Variants in ZSCAN18 observed in about 807,000 individuals in gnomAD.
The protein encoded by ZSCAN18 is zinc finger and SCAN domain containing 18.
Under a neutral mutation model 31.1 loss-of-function variants are expected in ZSCAN18, and 16 were observed. That is an observed-to-expected ratio of 0.51 (90% CI 0.35 to 0.78). The LOEUF is 0.78. Ranked by LOEUF, ZSCAN18 falls within the 30% of genes least tolerant of loss-of-function variation. The pLI is 0.01. For missense variants in ZSCAN18, 731 were observed against 697.4 expected, an observed-to-expected ratio of 1.05 and a Z score of -0.54; for synonymous variants, 375 against 320.7, an observed-to-expected ratio of 1.17 and a Z score of -1.81.
chr19:58,116,621 G>A (rs917256797), intron 1 of ZSCAN18, among the ~76,000 whole-genome samples: 1 of 152,128 alleles, frequency 6.6e-6, no homozygotes, highest in Admixed American at 6.6e-5. Flanking sequence ...ATGAACTGCC[G>A]AAGGAAGAAG....
chr19:58,102,423 T>G (rs925019341), upstream of ZSCAN18, among the ~76,000 whole-genome samples: 8 of 152,108 alleles, frequency 5.3e-5, no homozygotes, highest in African/African-American at 1.9e-4. Context: ...ATCACGCAAC[T>G]GCACTCCAGC....
At chr19:58,114,058 A>T (rs2074710151) in intron 1 of ZSCAN18, among the ~76,000 whole-genome samples, 1 of 152,178 alleles carries the variant, frequency 6.6e-6, no homozygotes, top group Admixed American at 6.5e-5. Flanking sequence ...TCACAAGGTC[A>T]GGAGTTCAAG....
intron 1 of ZSCAN18, among the ~76,000 whole-genome samples, chr19:58,092,177 C>T (rs1192129880): frequency 2.0e-5 from 3 of 152,058 alleles, no homozygotes; most frequent in Non-Finnish European, 2.9e-5. Flanking sequence ...AAATGCTCAA[C>T]GGTGAGTACT....
chr19:58,108,121 T>C (rs148766243), intron 1 of ZSCAN18: 2 of 988,458 alleles, frequency 2.0e-6, no homozygotes, highest in African/African-American at 1.7e-5. Flanking sequence ...ATTTTTTTGA[T>C]GCAAAAGAGC....
intron 1 of ZSCAN18, among the ~76,000 whole-genome samples, chr19:58,110,315 C>T (rs192458761): frequency 6.6e-6 from 1 of 152,280 alleles, no homozygotes; most frequent in African/African-American, 2.4e-5. Flanking sequence ...CTCCTCTCCA[C>T]TCCCATTACC....
intron 1 of ZSCAN18, chr19:58,108,643 G>A (rs927667542): frequency 8.1e-6 from 8 of 985,356 alleles, no homozygotes; most frequent in South Asian, 4.7e-5. Context: ...ATGAGATTTC[G>A]GTCTAACGGA....
chr19:58,109,782 C>A (rs1333365510), intron 1 of ZSCAN18, among the ~76,000 whole-genome samples: 2 of 126,542 alleles, frequency 1.6e-5, no homozygotes. Context: ...TGTGCACACA[C>A]ACACACATCC....
intron 1 of ZSCAN18, chr19:58,108,510 G>A: frequency 2.0e-6 from 2 of 986,002 alleles, no homozygotes; most frequent in Non-Finnish European, 1.2e-6. Flanking sequence ...TGCATTTATA[G>A]GATTTCTCTC....
intron 4 of ZSCAN18, 142 bp from the exon 5 acceptor site, chr19:58,087,150 T>C (rs1357287848): frequency 1.0e-6 from 1 of 996,156 alleles, no homozygotes; most frequent in South Asian, 1.6e-5. Context: ...GGCAGCCCCC[T>C]TCGCACCACA....
upstream of ZSCAN18, among the ~76,000 whole-genome samples, chr19:58,099,913 C>A (rs1237116606): frequency 1.3e-5 from 2 of 149,980 alleles, no homozygotes; most frequent in African/African-American, 4.9e-5. Flanking sequence ...CTGTTCGTAT[C>A]TTTTGCCCAT....
At chr19:58,098,894 G>C (rs573285909), upstream of ZSCAN18, among the ~76,000 whole-genome samples, 10 of 152,292 alleles carry the variant, frequency 6.6e-5, no homozygotes, top group South Asian at 1.9e-3. Context: ...GGAGTGGATA[G>C]AACTCAAAGA....
intron 1 of ZSCAN18, chr19:58,092,769 T>A: frequency 4.3e-6 from 4 of 929,360 alleles, no homozygotes; most frequent in Non-Finnish European, 5.1e-6. Context: ...ACGATACCTC[T>A]ACTTTTTTTT....
rs552217320 is a variant in ZSCAN18 at position 58,088,234 on chromosome 19, G to A, written c.553+454C>T. The A allele has an allele frequency of 3.8e-3, 607 of 160,914 alleles. 4 individuals are homozygous for A. The highest frequency in any genetic ancestry group is 0.014 in the African/African-American group (581 of 41,772). The allele number at this position is 160,914 out of a possible 1,614,324, so 10.0% of individuals were successfully genotyped here. A position where few individuals can be genotyped will look rare whatever the true frequency, so the allele number is the denominator to read the frequency against. ...GGGATGGGCTGAGCACGCGATGCTG[G>A]GCAACTAAAGAACCAGACCCAACCA... On this transcript the variant is annotated intron_variant, in intron 3 of 6. Transcript: ENST00000601144.
intron 6 of ZSCAN18, chr19:58,085,902 G>T: frequency 2.4e-6 from 1 of 425,032 alleles, no homozygotes; most frequent in Non-Finnish European, 4.2e-6. Flanking sequence ...CAATGGGGCA[G>T]AACGGCCACC....
At chr19:58,102,166 C>A (rs1600001879), upstream of ZSCAN18, among the ~76,000 whole-genome samples, 3 of 152,014 alleles carry the variant, frequency 2.0e-5, no homozygotes, top group South Asian at 4.2e-4. Context: ...ACTAAAAAAC[C>A]CCATATACTC....
chr19:58,114,428 G>A (rs1183292675), intron 1 of ZSCAN18, among the ~76,000 whole-genome samples: 1 of 87,918 alleles, frequency 1.1e-5, no homozygotes, highest in Non-Finnish European at 2.8e-5. Context: ...TAGAATGTAT[G>A]TGCCAACATA....
intron 1 of ZSCAN18, chr19:58,109,032 T>C (rs927085256): frequency 1.2e-5 from 15 of 1,219,400 alleles, no homozygotes; most frequent in Non-Finnish European, 1.5e-5. Flanking sequence ...CTCTTTGACA[T>C]GAAGCTAGGA....
At chr19:58,118,305 C>T in exon 1 of ZSCAN18, 1 of 1,516,880 alleles carries the variant, frequency 6.6e-7, no homozygotes, top group Non-Finnish European at 8.9e-7. Context: ...TGGGCGGGAA[C>T]GGAGGAAACA....
chr19:58,117,494 G>A (rs1338886974), intron 1 of ZSCAN18, among the ~76,000 whole-genome samples: 1 of 152,146 alleles, frequency 6.6e-6, no homozygotes, highest in Non-Finnish European at 1.5e-5. Context: ...GGGCAGAGGA[G>A]GAAGCCATCT....
Sources: allele counts gnomAD v4.1 joint callset (sites outside exome capture counted in the v4.1 genomes callset), GRCh38; gene constraint gnomAD v4.1.1; transcripts MANE v1.5; gene names NCBI Gene and HGNC (gene_info 2026-07-23, HGNC 2026-07-21).